The following CDH26 variants were observed in gnomAD, a reference collection of about 807,000 sequenced individuals.
CDH26 encodes cadherin 26.
Under a neutral mutation model 90.3 loss-of-function variants are expected in CDH26, and 83 were observed. The ratio of observed to expected loss-of-function variants is 0.92; its 90% CI spans 0.77 to 1.10. The LOEUF (loss-of-function observed/expected upper bound fraction) is 1.10. CDH26 is among the 50% of genes least tolerant of loss of function. CDH26 has a pLI of 0.00. For missense variants in CDH26, 1,013 were observed against 1,037.6 expected, an observed-to-expected ratio of 0.98 and a Z score of 0.33; for synonymous variants, 397 against 396.3, an observed-to-expected ratio of 1.00 and a Z score of -0.02.
At chr20:59,967,686 T>A (rs1040940705) in intron 1 of CDH26, among the ~76,000 whole-genome samples, 4 of 151,996 alleles carry the variant, frequency 2.6e-5, no homozygotes, top group African/African-American at 9.7e-5. Context: ...CGTTTGCTGC[T>A]GGTTCTAATC....
intron 1 of CDH26, among the ~76,000 whole-genome samples, chr20:59,962,482 T>G (rs1242098822): frequency 6.6e-6 from 1 of 152,184 alleles, no homozygotes. Flanking sequence ...GCCCCTGTCA[T>G]GACATGGCAT....
Position 60,001,429 on chromosome 20 carries a change from G to A in CDH26, c.2166+18G>A. On this transcript the variant is annotated intron_variant, in intron 15 of 17. Transcript: ENST00000348616. ...GGAGCTGGGTGAGTTCCAGAAGGTTGCTCCCTGCTACGGCCATCTCACTAG... is the reference window on the plus strand; with the variant it reads ...GGAGCTGGGTGAGTTCCAGAAGGTTACTCCCTGCTACGGCCATCTCACTAG... 1.2e-5 allele frequency: 19 copies of A among 1,612,740 alleles called. No individual in the cohort carries two copies. Among genetic ancestry groups the A allele is most frequent in the Middle Eastern group, 3.3e-4 (2 of 6,010 alleles).
intron 13 of CDH26, among the ~76,000 whole-genome samples, chr20:59,996,995 C>G (rs1373467391): frequency 6.6e-6 from 1 of 152,182 alleles, no homozygotes; most frequent in Non-Finnish European, 1.5e-5. Context: ...AGATATTCAT[C>G]AATGCCTGGA....
Position 59,989,079 on chromosome 20 carries a change from G to A in CDH26, c.1199G>A (p.Ser400Asn). The A allele has an allele frequency of 1.2e-6, 2 of 1,614,180 alleles. No individual in the cohort carries two copies. Among genetic ancestry groups the A allele is most frequent in the South Asian group, 1.1e-5 (1 of 91,084 alleles). Residue 400 changes from serine to asparagine, a missense_variant, in exon 9 of 18, where the codon AGC becomes AAC. Ser to Asn is a conservative substitution (Grantham distance 46). Transcript: ENST00000348616. Reference protein sequence around the residue: ...ANDPPAFHPQSFIVNKEEGAR... With the variant: ...ANDPPAFHPQNFIVNKEEGAR... ...GACCCACCAGCCTTTCACCCCCAGA[G>A]CTTCATTGTCAATAAAGAGGAGGGC...
Position 60,012,918 on chromosome 20 carries a change from A to G in CDH26, c.*188A>G. ...CAGATCAGCCATCTTGAACCAAAGC[A>G]AAACCACAAGTTACACTTTCTTAAA... On this transcript the variant is annotated 3_prime_UTR_variant, in exon 18 of 18. Transcript: ENST00000348616. The G allele has an allele frequency of 1.9e-6, 1 of 534,242 alleles. No individual in the cohort carries two copies. The highest frequency in any genetic ancestry group is 2.7e-5 in the South Asian group (1 of 36,776). 33.1% of individuals were successfully genotyped at this position (534,242 alleles called of 1,614,324 possible). A position where few individuals can be genotyped will look rare whatever the true frequency, so the allele number is the denominator to read the frequency against.
intron 11 of CDH26, 80 bp from the exon 12 acceptor site, chr20:59,995,753 C>A: frequency 2.3e-6 from 3 of 1,317,130 alleles, no homozygotes; most frequent in Non-Finnish European, 3.3e-6. Context: ...TTGGCCCGTG[C>A]AGGGCGTTCA....
chr20:59,958,619 A>G lies in CDH26; in HGVS notation c.-108A>G. ...GGGCCAAAGTGACCTGAAAACCTTT[A>G]GAGAAGAAGCTGCTGGCTGAGAAGG... On this transcript the variant is annotated 5_prime_UTR_variant, in exon 1 of 18. Transcript: ENST00000348616. 9.8e-7 allele frequency: 1 copy of G among 1,023,484 alleles called. No homozygotes were observed. The highest frequency in any genetic ancestry group is 1.5e-6 in the Non-Finnish European group (1 of 660,322). 63.4% of individuals were successfully genotyped at this position (1,023,484 alleles called of 1,614,324 possible).
At chr20:60,006,212 G>A (rs952044633) in intron 16 of CDH26, among the ~76,000 whole-genome samples, 1 of 152,178 alleles carries the variant, frequency 6.6e-6, no homozygotes, top group Non-Finnish European at 1.5e-5. Flanking sequence ...CCCCCAGATA[G>A]CCACTCCTTC....
rs193090115 is a variant in CDH26 at position 59,982,874 on chromosome 20, T to C, written c.394-49T>C. ...GGATAACAGTTATTTTATTAGAGTG[T>C]CATCGAGTAAATGGTTCTGCAGGAT... On this transcript the variant is annotated intron_variant, in intron 4 of 17. Transcript: ENST00000348616. The C allele has an allele frequency of 4.1e-5, 66 of 1,595,098 alleles. 1 individual carries two copies. The South Asian group carries it at 4.7e-4, about 11-fold the overall frequency.
intron 7 of CDH26, among the ~76,000 whole-genome samples, chr20:60,026,780 C>A (rs1352728631): frequency 6.6e-6 from 1 of 152,204 alleles, no homozygotes; most frequent in Non-Finnish European, 1.5e-5. Context: ...CACTTCTGAC[C>A]TACAGACCCT....
chr20:60,023,630 A>T (rs966860220), intron 7 of CDH26, among the ~76,000 whole-genome samples: 39 of 152,258 alleles, frequency 2.6e-4, no homozygotes, highest in African/African-American at 8.7e-4. Context: ...AGAGAGCTGG[A>T]CTTTGGCTAC....
chr20:59,959,958 T>C (rs190450290), intron 1 of CDH26, among the ~76,000 whole-genome samples: 70 of 152,282 alleles, frequency 4.6e-4, no homozygotes, highest in Middle Eastern at 3.4e-3. Flanking sequence ...TGGCTTTCTG[T>C]AGGTAGGGAG....
intron 7 of CDH26, among the ~76,000 whole-genome samples, chr20:60,026,747 C>T (rs1473451635): frequency 6.6e-6 from 1 of 152,214 alleles, no homozygotes; most frequent in East Asian, 1.9e-4. Context: ...GGGCAGAGAA[C>T]AAGCTGAACT....
chr20:60,012,057 G>A (rs1490672455), intron 17 of CDH26, among the ~76,000 whole-genome samples: 1 of 152,144 alleles, frequency 6.6e-6, no homozygotes, highest in African/African-American at 2.4e-5. Context: ...CAGGGAGGCT[G>A]TGAAGTATGA....
intron 17 of CDH26, among the ~76,000 whole-genome samples, chr20:60,008,239 T>G (rs2146017914): frequency 6.6e-6 from 1 of 152,318 alleles, no homozygotes; most frequent in Middle Eastern, 3.4e-3. Flanking sequence ...TGTATAATAC[T>G]CACTTTGTTG....
At chr20:60,031,211 C>T (rs1210254616) in intron 7 of CDH26, 1 of 1,135,626 alleles carries the variant, frequency 8.8e-7, no homozygotes, top group Non-Finnish European at 1.1e-6. Flanking sequence ...TAATGAGCAC[C>T]TCTTACCTGC....
intron 7 of CDH26, 64 bp downstream of exon 7, chr20:59,985,193 C>T: frequency 1.3e-6 from 2 of 1,583,550 alleles, no homozygotes; most frequent in Non-Finnish European, 8.6e-7. Flanking sequence ...GTCCTAGGCT[C>T]AGTTTTTCTC....
At chr20:60,032,680 G>T (rs8125489) in intron 8 of CDH26, among the ~76,000 whole-genome samples, 6,654 of 152,122 alleles carry the variant, frequency 0.044, 352 homozygotes, top group African/African-American at 0.13. Context: ...AAAAAAGGGT[G>T]AGTTCATGTC....
At chr20:59,965,994 G>T (rs1230275572) in intron 1 of CDH26, among the ~76,000 whole-genome samples, 1 of 152,018 alleles carries the variant, frequency 6.6e-6, no homozygotes, top group East Asian at 1.9e-4. Context: ...TGCTATTATA[G>T]TAAAAATCTT....
Sources: allele counts gnomAD v4.1 joint callset (sites outside exome capture counted in the v4.1 genomes callset), GRCh38; gene constraint gnomAD v4.1.1; transcripts MANE v1.5; gene names NCBI Gene and HGNC (gene_info 2026-07-23, HGNC 2026-07-21).